MGAT4C: variants seen among roughly 807,000 people sequenced by gnomAD.
MGAT4C encodes MGAT4 family member C.
MGAT4C carries 19 observed loss-of-function variants against 40.1 expected under a neutral mutation model. The ratio of observed to expected loss-of-function variants is 0.47; its 90% CI spans 0.33 to 0.70. The LOEUF is 0.70. MGAT4C is among the 30% of genes least tolerant of loss of function. The pLI, the probability that MGAT4C is intolerant of heterozygous loss-of-function variation, is 0.02. For synonymous variants in MGAT4C, 181 were observed against 187.1 expected (o/e 0.97, Z 0.27); for missense variants, 491 against 563.2 (o/e 0.87, Z 1.30).
intron 2 of MGAT4C, among the ~76,000 whole-genome samples, chr12:86,685,610 A>G (rs540470889): frequency 6.6e-6 from 1 of 152,268 alleles, no homozygotes; most frequent in East Asian, 1.9e-4. Context: ...GAATCTATAA[A>G]TGACTTTGGG....
intron 3 of MGAT4C, among the ~76,000 whole-genome samples, chr12:85,987,740 G>A (rs61931062): frequency 0.071 from 10,779 of 152,148 alleles, 537 homozygotes; most frequent in Middle Eastern, 0.24. Context: ...ACATAAGGGC[G>A]TTTTGCACAT....
chr12:86,263,166 A>T (rs368407170), intron 4 of MGAT4C, among the ~76,000 whole-genome samples: 1 of 152,142 alleles, frequency 6.6e-6, no homozygotes, highest in African/African-American at 2.4e-5. Flanking sequence ...TGGAAGAGCC[A>T]AACAAATATT....
At chr12:86,384,960 C>T (rs1956023664) in intron 3 of MGAT4C, among the ~76,000 whole-genome samples, 1 of 152,298 alleles carries the variant, frequency 6.6e-6, no homozygotes, top group East Asian at 1.9e-4. Context: ...AATTTCTGAC[C>T]TACTTAATTT....
At chr12:86,220,569 T>C (rs1175465499) in intron 1 of MGAT4C, among the ~76,000 whole-genome samples, 2 of 152,158 alleles carry the variant, frequency 1.3e-5, no homozygotes. Flanking sequence ...CTTAGACAAA[T>C]ATCACTAGTG....
rs1478896547 is a variant in MGAT4C, at chr12:85,966,638, T to C, written c.*12651A>G. On this transcript the variant is annotated 3_prime_UTR_variant, in exon 5 of 5. Coordinates refer to ENST00000611864, the MANE Select transcript of MGAT4C (RefSeq NM_001351288.2). ...GGCACTATTCACAATAGCAAAGACT[T>C]GGAACCAATCCAAATGTCCAACAAT... is the stretch of plus-strand genomic sequence containing the variant. The C allele has an allele frequency of 6.6e-6, 1 of 152,068 alleles. No homozygotes were observed. The highest frequency in any genetic ancestry group is 6.6e-5 in the Admixed American group (1 of 15,248). The allele number at this position is 152,068 out of a possible 1,614,324, so 9.4% of individuals were successfully genotyped here.
chr12:86,005,159 T>C (rs1197104334), intron 2 of MGAT4C, among the ~76,000 whole-genome samples: 2 of 152,316 alleles, frequency 1.3e-5, no homozygotes, highest in East Asian at 1.9e-4. Context: ...AAACTCATGA[T>C]AAAACCTTTA....
intron 2 of MGAT4C, among the ~76,000 whole-genome samples, chr12:86,651,016 G>T (rs539381438): frequency 2.3e-4 from 35 of 151,860 alleles, no homozygotes; most frequent in Non-Finnish European, 4.4e-4. Flanking sequence ...CTTAAAAAAG[G>T]GCTTTAAATA....
At chr12:86,545,036 G>A (rs779233497) in intron 2 of MGAT4C, among the ~76,000 whole-genome samples, 10 of 151,968 alleles carry the variant, frequency 6.6e-5, no homozygotes, top group Non-Finnish European at 1.2e-4. Context: ...TGTCCAAAGT[G>A]TGCCTTGAAC....
chr12:86,530,210 G>A (rs548033237), intron 2 of MGAT4C, among the ~76,000 whole-genome samples: 1 of 151,964 alleles, frequency 6.6e-6, no homozygotes, highest in East Asian at 1.9e-4. Context: ...CTAGAGTCCT[G>A]CCTTGAAACC....
At chr12:86,115,573 G>A (rs1218068219) in intron 1 of MGAT4C, among the ~76,000 whole-genome samples, 1 of 151,998 alleles carries the variant, frequency 6.6e-6, no homozygotes, top group African/African-American at 2.4e-5. Context: ...ACTCTAAGTA[G>A]TGTTAATTAA....
intron 1 of MGAT4C, among the ~76,000 whole-genome samples, chr12:86,116,235 G>A (rs1446581948): frequency 6.6e-6 from 1 of 151,856 alleles, no homozygotes; most frequent in African/African-American, 2.4e-5. Flanking sequence ...GCAAGCATAG[G>A]GGTAGAAGTC....
intron 2 of MGAT4C, among the ~76,000 whole-genome samples, chr12:86,687,534 G>T (rs567912986): frequency 1.6e-4 from 24 of 152,252 alleles, no homozygotes; most frequent in African/African-American, 5.5e-4. Flanking sequence ...CTGGTATGTT[G>T]TGTCTTTGTT....
At chr12:86,463,273 G>A (rs997943862) in intron 2 of MGAT4C, among the ~76,000 whole-genome samples, 1 of 151,980 alleles carries the variant, frequency 6.6e-6, no homozygotes, top group Non-Finnish European at 1.5e-5. Flanking sequence ...AATATAAAAA[G>A]ACCTTTTCAC....
chr12:86,627,278 C>A (rs1962846596), intron 2 of MGAT4C, among the ~76,000 whole-genome samples: 3 of 152,212 alleles, frequency 2.0e-5, no homozygotes, highest in African/African-American at 4.8e-5. Flanking sequence ...CTGTAGACTC[C>A]ACCTCTGGGG....
chr12:86,627,001 G>A lies in MGAT4C; in HGVS notation c.-229+100208C>T, dbSNP rs138153536. On this transcript the variant is annotated intron_variant, in intron 2 of 7. Transcript: ENST00000548651. ...CGTGACAGGCTGTACCAGGAATATC[G>A]GGACACTGCCACCTAAATACTGCAC... Among the ~76,000 whole-genome samples, 1,123 of 152,290 alleles carry A rather than the reference G, an allele frequency of 7.4e-3. 7 individuals carry two copies. Among genetic ancestry groups the A allele is most frequent in the Non-Finnish European group, 0.012 (804 of 68,032 alleles).
intron 1 of MGAT4C, among the ~76,000 whole-genome samples, chr12:86,058,956 T>A (rs1288878224): frequency 6.6e-6 from 1 of 152,190 alleles, no homozygotes; most frequent in African/African-American, 2.4e-5. Context: ...ATTTAAAGAA[T>A]ATAATATTTT....
At chr12:86,378,930 T>C (rs1212509894) in intron 3 of MGAT4C, among the ~76,000 whole-genome samples, 2 of 152,130 alleles carry the variant, frequency 1.3e-5, no homozygotes, top group Non-Finnish European at 2.9e-5. Flanking sequence ...CTGGTGGCTA[T>C]ATAGATTTAG....
intron 4 of MGAT4C, among the ~76,000 whole-genome samples, chr12:86,293,117 T>C (rs186766647): frequency 6.6e-6 from 1 of 152,282 alleles, no homozygotes; most frequent in Admixed American, 6.5e-5. Context: ...GCGCTGATTA[T>C]TTAAAAGTTC....
At chr12:86,494,298 C>A (rs868618386) in intron 2 of MGAT4C, among the ~76,000 whole-genome samples, 1 of 151,652 alleles carries the variant, frequency 6.6e-6, no homozygotes, top group Admixed American at 6.6e-5. Context: ...TTAAAAAAAA[C>A]CTTGCCTAGC....
Sources: allele counts gnomAD v4.1 joint callset (sites outside exome capture counted in the v4.1 genomes callset), GRCh38; gene constraint gnomAD v4.1.1; transcripts MANE v1.5; gene names NCBI Gene and HGNC (gene_info 2026-07-23, HGNC 2026-07-21).